The following ATXN7 variants were observed in gnomAD, a reference collection of about 807,000 sequenced individuals.
ATXN7 encodes the protein ataxin-7.
ATXN7 carries 12 observed loss-of-function variants against 70.5 expected under a neutral mutation model. That is an observed-to-expected ratio of 0.17 (90% CI 0.11 to 0.28). ATXN7 has a LOEUF of 0.28. ATXN7 is among the 10% of genes least tolerant of loss of function. ATXN7 has a pLI of 1.00. For missense variants in ATXN7, 1,256 were observed against 1,131.7 expected (o/e 1.11, Z -1.58); for synonymous variants, 498 against 448.7 (o/e 1.11, Z -1.39).
At chr3:63,978,124 T>C (rs1307479234) in intron 5 of ATXN7, among the ~76,000 whole-genome samples, 2 of 152,160 alleles carry the variant, frequency 1.3e-5, no homozygotes, top group Non-Finnish European at 2.9e-5. Context: ...GGCTGCACAG[T>C]AGAATCAGAC....
intron 9 of ATXN7, among the ~76,000 whole-genome samples, chr3:63,988,932 C>G (rs1385421670): frequency 6.6e-6 from 1 of 152,092 alleles, no homozygotes; most frequent in Non-Finnish European, 1.5e-5. Context: ...AAAGACTGTA[C>G]CTAGTTTCCA....
chr3:63,885,742 C>G (rs960540051), intron 1 of ATXN7, among the ~76,000 whole-genome samples: 4 of 152,160 alleles, frequency 2.6e-5, no homozygotes, highest in African/African-American at 9.7e-5. Flanking sequence ...TTAGGCCAGG[C>G]ACAGTGGCTC....
chr3:63,999,864 CCTT>C lies in ATXN7; in HGVS notation c.*399_*401del, dbSNP rs1331848892. 3 of 292,492 alleles carry C rather than the reference CCTT, an allele frequency of 1.0e-5. No individual in the cohort carries two copies. The highest frequency in any genetic ancestry group is 6.4e-5 in the African/African-American group (3 of 46,632). The allele number at this position is 292,492 out of a possible 1,614,324, so 18.1% of individuals were successfully genotyped here. ...AGCGTTACTGTAGACCTTTCTCCCT[CCTT>C]CCTTTTACTACCATTTTTTTTTAAC... On this transcript the variant is annotated 3_prime_UTR_variant, in exon 13 of 13. Coordinates refer to ENST00000674280, the MANE Select transcript of ATXN7 (RefSeq NM_001377405.1).
At chr3:63,967,838 T>C (rs755643966) in intron 5 of ATXN7, 13 of 1,524,932 alleles carry the variant, frequency 8.5e-6, no homozygotes, top group Non-Finnish European at 1.1e-5. Context: ...ATATTTGGAG[T>C]TGGTGGGCAG....
At chr3:63,984,360 T>C (rs982430995) in intron 8 of ATXN7, among the ~76,000 whole-genome samples, 3 of 151,894 alleles carry the variant, frequency 2.0e-5, no homozygotes, top group Non-Finnish European at 2.9e-5. Context: ...ACAAACTGCT[T>C]TTTTTTTGTA....
At chr3:63,976,465 T>A (rs1198365843) in intron 5 of ATXN7, among the ~76,000 whole-genome samples, 1 of 152,222 alleles carries the variant, frequency 6.6e-6, no homozygotes, top group Non-Finnish European at 1.5e-5. Context: ...ATTCACATGA[T>A]AGATTGTCAT....
rs1328652959 is a variant in ATXN7 at position 64,003,172 on chromosome 3, T to TCTCTA, written c.*3706_*3707insTCTAC. On this transcript the variant is annotated 3_prime_UTR_variant, in exon 13 of 13. Coordinates refer to ENST00000674280, the MANE Select transcript of ATXN7 (RefSeq NM_001377405.1). ...TAATTTAAATGAGCACTACATACTG[T>TCTCTA]CAGTGTGAATGTAGGGCCTTGAAAG... 2 of 151,546 alleles carry TCTCTA rather than the reference T, an allele frequency of 1.3e-5. No homozygotes were observed. The highest frequency in any genetic ancestry group is 4.8e-5 in the African/African-American group (2 of 41,292). The allele number at this position is 151,546 out of a possible 1,614,324, so 9.4% of individuals were successfully genotyped here.
intron 5 of ATXN7, among the ~76,000 whole-genome samples, chr3:63,965,746 A>G (rs1402593926): frequency 6.6e-6 from 1 of 152,198 alleles, no homozygotes; most frequent in Non-Finnish European, 1.5e-5. Flanking sequence ...AAATTGTGAT[A>G]ATGCTTTACA....
chr3:63,929,701 G>C (rs1016461650), intron 4 of ATXN7, among the ~76,000 whole-genome samples: 1 of 152,010 alleles, frequency 6.6e-6, no homozygotes. Context: ...GCTTGCCCGG[G>C]TGGTAATGCT....
At chr3:63,965,776 T>C (rs138680302) in intron 5 of ATXN7, among the ~76,000 whole-genome samples, 1 of 152,356 alleles carries the variant, frequency 6.6e-6, no homozygotes, top group African/African-American at 2.4e-5. Flanking sequence ...AAGCAGTATT[T>C]GCTTAAACAT....
At chr3:63,990,548 C>T in intron 10 of ATXN7, 174 bp downstream of exon 10, 3 of 1,166,088 alleles carry the variant, frequency 2.6e-6, no homozygotes, top group Non-Finnish European at 3.7e-6. Flanking sequence ...CGGGGGACAT[C>T]TCGTGCTTTT....
intron 5 of ATXN7, among the ~76,000 whole-genome samples, chr3:63,957,548 A>G (rs1165476227): frequency 6.6e-6 from 1 of 152,248 alleles, no homozygotes; most frequent in African/African-American, 2.4e-5. Flanking sequence ...GTTGTCTGCT[A>G]TAAGAAGTAG....
Position 63,999,552 on chromosome 3 carries a change from G to A in ATXN7, c.*85G>A, listed in dbSNP as rs904090659. On this transcript the variant is annotated 3_prime_UTR_variant, in exon 13 of 13. Transcript: ENST00000674280. The stretch of plus-strand genomic sequence containing the variant: ...CACTCAGCACTCTGGACTCCACGAT[G>A]CCTTTGAGTCTGTTTTCCCAACCTC... 4 of 1,589,140 alleles carry A rather than the reference G, an allele frequency of 2.5e-6. No individual in the cohort carries two copies. The highest frequency in any genetic ancestry group is 3.4e-6 in the Non-Finnish European group (4 of 1,166,062).
intron 1 of ATXN7, among the ~76,000 whole-genome samples, chr3:63,886,993 G>C (rs1038944477): frequency 2.0e-5 from 3 of 152,106 alleles, no homozygotes; most frequent in Non-Finnish European, 4.4e-5. Flanking sequence ...TTAATCAGAG[G>C]GTAGGAGAAA....
intron 4 of ATXN7, among the ~76,000 whole-genome samples, chr3:63,944,993 T>C (rs1443854037): frequency 1.3e-5 from 2 of 152,350 alleles, no homozygotes; most frequent in East Asian, 1.9e-4. Context: ...AGTTTCACCA[T>C]GTTGGCCAGG....
Position 64,002,076 on chromosome 3 carries a change from A to T in ATXN7, c.*2609A>T, listed in dbSNP as rs1299523361. The T allele has an allele frequency of 2.0e-5, 3 of 152,190 alleles. No individual in the cohort carries two copies. Among genetic ancestry groups the T allele is most frequent in the African/African-American group, 7.3e-5 (3 of 41,330 alleles). The allele number at this position is 152,190 out of a possible 1,614,324, so 9.4% of individuals were successfully genotyped here. ...ACCTACTTTTGTATCTTTATTTTGG[A>T]ATTTCTTGTTCTATTATAAATATGG... is the stretch of plus-strand genomic sequence containing the variant. On this transcript the variant is annotated 3_prime_UTR_variant, in exon 13 of 13. Transcript: ENST00000674280.
In ATXN7 at chr3:63,912,630, G is replaced by T. The variant is rs897546151; in HGVS notation, c.32G>T (p.Gly11Val). Reference sequence around the variant, plus strand: ...GAGCGGGCCGCGGATGACGTCAGGGGGGAGCCGCGCCGCGCGGCGGCGGCG... The same window carrying T: ...GAGCGGGCCGCGGATGACGTCAGGGTGGAGCCGCGCCGCGCGGCGGCGGCG... MSERAADDVR[G>V]EPRRAAAAAG... Residue 11 changes from glycine to valine, a missense_variant, in exon 3 of 13, where the codon GGG becomes GTG. Physicochemically the swap from Gly to Val is moderately radical, Grantham distance 109. Transcript: ENST00000674280. 1 of 1,059,700 alleles carries T rather than the reference G, an allele frequency of 9.4e-7. No individual in the cohort carries two copies. Among genetic ancestry groups the T allele is most frequent in the Non-Finnish European group, 1.2e-6 (1 of 869,376 alleles). 65.6% of individuals were successfully genotyped at this position (1,059,700 alleles called of 1,614,324 possible). A position where few individuals can be genotyped will look rare whatever the true frequency, so the allele number is the denominator to read the frequency against.
chr3:63,980,260 AAG>A, intron 6 of ATXN7, 93 bp downstream of exon 6: 1 of 1,473,832 alleles, frequency 6.8e-7, no homozygotes, highest in Non-Finnish European at 9.3e-7. Flanking sequence ...AGTAATATAA[AAG>A]AGAGTCTACT....
intron 5 of ATXN7, among the ~76,000 whole-genome samples, chr3:63,956,061 A>G (rs571737890): frequency 1.1e-4 from 17 of 152,342 alleles, no homozygotes; most frequent in African/African-American, 3.8e-4. Flanking sequence ...TTGAGCAATG[A>G]TGGTGAATGA....
Sources: allele counts gnomAD v4.1 joint callset (sites outside exome capture counted in the v4.1 genomes callset), GRCh38; gene constraint gnomAD v4.1.1; transcripts MANE v1.5; gene names NCBI Gene and HGNC (gene_info 2026-07-23, HGNC 2026-07-21).